URGCP: variants seen among roughly 807,000 people sequenced by gnomAD.
URGCP encodes the protein up-regulator of cell proliferation.
In URGCP, 13 loss-of-function variants were observed where a neutral mutation model predicts 24.6. That is an observed-to-expected ratio of 0.53 (90% CI 0.34 to 0.84). The LOEUF (loss-of-function observed/expected upper bound fraction) is 0.84, where lower values mean the gene tolerates loss of function less well. Ranked by LOEUF, URGCP falls within the 40% of genes least tolerant of loss-of-function variation. URGCP has a pLI of 0.01. For missense variants in URGCP, 899 were observed against 1,194.3 expected (o/e 0.75, Z 3.64); for synonymous variants, 444 against 487.2 (o/e 0.91, Z 1.17).
intron 1 of URGCP, among the ~76,000 whole-genome samples, chr7:43,912,612 C>T (rs56070820): frequency 6.6e-6 from 1 of 151,754 alleles, no homozygotes; most frequent in Non-Finnish European, 1.5e-5. Context: ...GCAAAACCAT[C>T]GAGATTTTGA....
At chr7:43,895,349 AAAAG>A (rs910164148) in intron 1 of URGCP, among the ~76,000 whole-genome samples, 1 of 118,996 alleles carries the variant, frequency 8.4e-6, no homozygotes, top group Non-Finnish European at 1.9e-5. Context: ...AAATCATAAA[AAAAG>A]ATATGATATC....
intron 3 of URGCP, among the ~76,000 whole-genome samples, chr7:43,882,311 C>T (rs1269603320): frequency 2.6e-5 from 4 of 152,136 alleles, no homozygotes; most frequent in South Asian, 2.1e-4. Context: ...GGCGTGGTGG[C>T]GCATGCCTGT....
chr7:43,923,361 C>T (rs192716941), intron 1 of URGCP, among the ~76,000 whole-genome samples: 1 of 151,610 alleles, frequency 6.6e-6, no homozygotes, highest in African/African-American at 2.4e-5. Context: ...ATCATAGCTC[C>T]CTGCAGCCTC....
intron 1 of URGCP, among the ~76,000 whole-genome samples, chr7:43,891,288 A>G (rs1178921487): frequency 6.6e-6 from 1 of 152,226 alleles, no homozygotes; most frequent in Non-Finnish European, 1.5e-5. Context: ...ATGGCATAGG[A>G]AAACAATTCT....
At chr7:43,908,300 A>G (rs1453873350), upstream of URGCP, among the ~76,000 whole-genome samples, 3 of 151,826 alleles carry the variant, frequency 2.0e-5, no homozygotes, top group Non-Finnish European at 4.4e-5. Context: ...CTGGTCTCAA[A>G]CTCCCAACCT....
At chr7:43,924,324 G>GT (rs1183179067) in intron 1 of URGCP, among the ~76,000 whole-genome samples, 4 of 152,094 alleles carry the variant, frequency 2.6e-5, no homozygotes, top group African/African-American at 7.2e-5. Flanking sequence ...TCTATTATAT[G>GT]TTTTTTTCCT....
intron 3 of URGCP, 150 bp downstream of exon 3, chr7:43,887,265 C>T: frequency 1.1e-6 from 1 of 905,242 alleles, no homozygotes. Flanking sequence ...ATGGAATCTT[C>T]TTGTAAAAGG....
chr7:43,893,395 C>T (rs1236070197), intron 1 of URGCP, among the ~76,000 whole-genome samples: 1 of 151,074 alleles, frequency 6.6e-6, no homozygotes, highest in Admixed American at 6.6e-5. Context: ...GGTGCATGCA[C>T]CTGTAGTCCC....
rs141995833 is a variant in URGCP, at chr7:43,881,128, T to C, written c.202+531A>G. On this transcript the variant is annotated intron_variant, in intron 5 of 5. Coordinates refer to ENST00000453200, the MANE Select transcript of URGCP (RefSeq NM_001077663.3). Reference sequence around the variant, plus strand: ...CTTTGCCTGAATGAAACTAGGAACATTGTTTTTCTTGTCCAGACATGGAAT... The same window carrying C: ...CTTTGCCTGAATGAAACTAGGAACACTGTTTTTCTTGTCCAGACATGGAAT... 18 of 696,118 alleles carry C rather than the reference T, an allele frequency of 2.6e-5. No homozygotes were observed. The East Asian group carries it at 3.5e-4, about 13-fold the overall frequency. 43.1% of individuals were successfully genotyped at this position (696,118 alleles called of 1,614,324 possible).
chr7:43,922,886 TTTTCTTTCTCTTTCTTTC>T (rs1056833906), intron 1 of URGCP, among the ~76,000 whole-genome samples: 1 of 152,006 alleles, frequency 6.6e-6, no homozygotes, highest in Non-Finnish European at 1.5e-5. Context: ...AGGCATTTTT[TTTTCTTTCTCTTTCTTTC>T]TTTCTTTCTC....
In URGCP at chr7:43,919,782, AG is replaced by A. The variant is rs1439238257; in HGVS notation, c.-116+6349del. 4.5e-6 allele frequency: 6 copies of A among 1,342,020 alleles called. No homozygotes were observed. The African/African-American group carries it at 8.6e-5, about 19-fold the overall frequency. 83.1% of individuals were successfully genotyped at this position (1,342,020 alleles called of 1,614,324 possible). A position where few individuals can be genotyped will look rare whatever the true frequency, so the allele number is the denominator to read the frequency against. ...CACCAGCATCCAGGTGGCCCTGTCG[AG>A]GAAGTCTCCTTACCTGCCCTTGGCC... is the stretch of plus-strand genomic sequence containing the variant. On this transcript the variant is annotated intron_variant, in intron 1 of 5. Transcript: ENST00000426198.
At chr7:43,897,511 C>T (rs2095880908) in intron 1 of URGCP, among the ~76,000 whole-genome samples, 1 of 151,600 alleles carries the variant, frequency 6.6e-6, no homozygotes, top group African/African-American at 2.4e-5. Context: ...TAGGAGAAGG[C>T]AGCAGGAGAA....
intron 1 of URGCP, among the ~76,000 whole-genome samples, chr7:43,897,322 C>T (rs754697263): frequency 8.5e-5 from 13 of 152,298 alleles, no homozygotes; most frequent in South Asian, 2.1e-4. Flanking sequence ...TGGTGGGGAG[C>T]GCAGAGCAGG....
intron 1 of URGCP, among the ~76,000 whole-genome samples, chr7:43,913,707 A>G (rs1053671296): frequency 6.6e-6 from 1 of 150,602 alleles, no homozygotes; most frequent in African/African-American, 2.4e-5. Context: ...TCATTTATTT[A>G]TTTATTTTTG....
At chr7:43,899,792 T>C (rs1197059996) in intron 1 of URGCP, among the ~76,000 whole-genome samples, 4 of 152,110 alleles carry the variant, frequency 2.6e-5, no homozygotes, top group East Asian at 3.8e-4. Context: ...ACCAACTGGA[T>C]CTAAGATTAA....
intron 1 of URGCP, chr7:43,926,053 T>C (rs1204409363): frequency 3.9e-5 from 6 of 152,204 alleles, no homozygotes; most frequent in Non-Finnish European, 8.8e-5. Flanking sequence ...GTTTTGCGTG[T>C]GAACGTATGC....
Position 43,881,625 on chromosome 7 carries a change from T to C in URGCP, c.202+34A>G, listed in dbSNP as rs145862047. 20 of 1,614,018 alleles carry C rather than the reference T, an allele frequency of 1.2e-5. No individual in the cohort carries two copies. The East Asian group carries it at 1.3e-4, about 11-fold the overall frequency. On this transcript the variant is annotated intron_variant, in intron 5 of 5. Transcript: ENST00000453200. ...TGGCCTAGATGATAACCCCCTTTCA[T>C]AGAACAGAGAGAAAAGGCAGAGAAA...
upstream of URGCP, chr7:43,906,649 C>T: frequency 8.9e-7 from 1 of 1,127,226 alleles, no homozygotes; most frequent in African/African-American, 1.6e-5. Context: ...GGGGAGGGGC[C>T]TGGCCCGCCG....
intron 1 of URGCP, among the ~76,000 whole-genome samples, chr7:43,911,988 C>A (rs2095910590): frequency 6.6e-6 from 1 of 150,822 alleles, no homozygotes. Flanking sequence ...AGAAAAAAAA[C>A]ACAGGAAATT....
Sources: gnomAD v4.1 joint callset for allele counts (sites outside exome capture counted in the v4.1 genomes callset) on GRCh38, gnomAD v4.1.1 for gene constraint, MANE v1.5 for transcripts, NCBI Gene and HGNC (gene_info 2026-07-23, HGNC 2026-07-21) for gene names.